NEK11: variants seen among roughly 807,000 people sequenced by gnomAD.
NEK11 encodes the protein NIMA related kinase 11, also known as serine/threonine-protein kinase Nek11.
A neutral mutation model predicts 80.7 loss-of-function variants in NEK11; 72 were observed. The observed-to-expected ratio is 0.89, with a 90% CI of 0.74 to 1.08. The LOEUF (loss-of-function observed/expected upper bound fraction) is 1.08. Among genes scored for constraint, NEK11 ranks in the 50% least tolerant of loss-of-function variants. NEK11 has a pLI of 0.00. For missense variants in NEK11, 764 were observed against 763.6 expected (o/e 1.00, Z -0.01); for synonymous variants, 251 against 260.7 (o/e 0.96, Z 0.36).
At chr3:131,231,891 T>G (rs2095337250) in intron 15 of NEK11, among the ~76,000 whole-genome samples, 1 of 152,104 alleles carries the variant, frequency 6.6e-6, no homozygotes, top group Non-Finnish European at 1.5e-5. Flanking sequence ...AGATCAAAGT[T>G]GATTCCCCTT....
chr3:131,164,949 C>G (rs2092059369), intron 11 of NEK11, among the ~76,000 whole-genome samples: 1 of 152,218 alleles, frequency 6.6e-6, no homozygotes, highest in South Asian at 2.1e-4. Flanking sequence ...TAAACTCACT[C>G]TCCTGTAATA....
intron 14 of NEK11, among the ~76,000 whole-genome samples, chr3:131,178,453 C>G (rs2093163098): frequency 6.6e-6 from 1 of 152,166 alleles, no homozygotes; most frequent in African/African-American, 2.4e-5. Context: ...TTATATCATT[C>G]TATAAGCATT....
At position 131,173,871 on chromosome 3, in the gene NEK11, G is replaced by A. The variant is rs150802245; in HGVS notation, c.1399+2984G>A. Among the ~76,000 whole-genome samples, 96 of 152,196 alleles carry A rather than the reference G, an allele frequency of 6.3e-4. 1 individual carries two copies. In the East Asian group the frequency reaches 0.015, roughly 24 times the overall value. On this transcript the variant is annotated intron_variant, in intron 14 of 17. Transcript: ENST00000383366. Reference sequence around the variant, plus strand: ...TGATTTACCAGCCAGACTGGAAATCGTCAAATCTACTTCTTTGACCACTTT... The same window carrying A: ...TGATTTACCAGCCAGACTGGAAATCATCAAATCTACTTCTTTGACCACTTT...
intron 14 of NEK11, among the ~76,000 whole-genome samples, chr3:131,179,740 G>T (rs2093243020): frequency 6.6e-6 from 1 of 151,954 alleles, no homozygotes; most frequent in South Asian, 2.1e-4. Flanking sequence ...AAAATACACA[G>T]TTTTGCACAT....
intron 15 of NEK11, among the ~76,000 whole-genome samples, chr3:131,238,597 T>C (rs1331376241): frequency 6.6e-6 from 1 of 152,040 alleles, no homozygotes; most frequent in Non-Finnish European, 1.5e-5. Context: ...AAGGAGAATT[T>C]CTAGAGATTG....
intron 3 of NEK11, among the ~76,000 whole-genome samples, chr3:131,066,943 A>C (rs950112394): frequency 6.6e-6 from 1 of 151,974 alleles, no homozygotes; most frequent in Non-Finnish European, 1.5e-5. Context: ...CTGTGTCTTA[A>C]TCTCTCTGTG....
At chr3:131,137,252 A>G (rs1053194301) in intron 7 of NEK11, among the ~76,000 whole-genome samples, 2 of 152,182 alleles carry the variant, frequency 1.3e-5, no homozygotes, top group African/African-American at 4.8e-5. Flanking sequence ...TGTGAGTAGA[A>G]GAAAACAGAG....
At chr3:131,118,986 T>C (rs1263086317) in intron 5 of NEK11, among the ~76,000 whole-genome samples, 1 of 152,188 alleles carries the variant, frequency 6.6e-6, no homozygotes, top group Non-Finnish European at 1.5e-5. Flanking sequence ...TCTGCTCTGA[T>C]CTTAGTTATT....
chr3:131,349,988 G>A lies in NEK11; in HGVS notation c.*212G>A. Reference sequence around the variant, plus strand: ...ATAAGTGTTATTTGGACTATACCCTGAGATAAGCTTATAGATCAAGTTTGG... The same window carrying A: ...ATAAGTGTTATTTGGACTATACCCTAAGATAAGCTTATAGATCAAGTTTGG... On this transcript the variant is annotated 3_prime_UTR_variant, in exon 18 of 18. Transcript: ENST00000383366. The A allele has an allele frequency of 7.3e-6, 4 of 545,590 alleles. No homozygotes were observed. Among genetic ancestry groups the A allele is most frequent in the Non-Finnish European group, 9.8e-6 (3 of 307,314 alleles). 33.8% of individuals were successfully genotyped at this position (545,590 alleles called of 1,614,324 possible). A position where few individuals can be genotyped will look rare whatever the true frequency, so the allele number is the denominator to read the frequency against.
chr3:131,142,586 T>C (rs956508457), intron 7 of NEK11, among the ~76,000 whole-genome samples: 1 of 152,216 alleles, frequency 6.6e-6, no homozygotes, highest in African/African-American at 2.4e-5. Context: ...CAGTTGGTTA[T>C]GTAAGGATGC....
chr3:131,295,553 T>A (rs1184470455), intron 17 of NEK11, among the ~76,000 whole-genome samples: 3 of 152,236 alleles, frequency 2.0e-5, no homozygotes, highest in Non-Finnish European at 4.4e-5. Context: ...ATGTGTAATT[T>A]TTTTGCATTA....
At chr3:131,122,343 C>T (rs2082527760) in intron 5 of NEK11, among the ~76,000 whole-genome samples, 1 of 152,190 alleles carries the variant, frequency 6.6e-6, no homozygotes. Flanking sequence ...ATCCTGCAGT[C>T]ACTTTTTCAA....
chr3:131,267,012 C>T (rs944654434), intron 16 of NEK11, among the ~76,000 whole-genome samples: 2 of 152,278 alleles, frequency 1.3e-5, no homozygotes, highest in Admixed American at 1.3e-4. Context: ...AATTGCAACA[C>T]CTGCTTTTTT....
rs934704134 is a variant in NEK11 at position 131,231,268 on chromosome 3, C to T, written c.1560+2580C>T. Among the ~76,000 whole-genome samples the T allele has an allele frequency of 2.7e-5, 4 of 149,638 alleles. No homozygotes were observed. In the South Asian group the frequency reaches 8.5e-4, roughly 32 times the overall value. On this transcript the variant is annotated intron_variant, in intron 15 of 17. Transcript: ENST00000383366. ...CCAGACTGGAGTGCAGTGGCATGATCTCTGCTCACTCTAATTGAGGAAAGT... is the reference window on the plus strand; with the variant it reads ...CCAGACTGGAGTGCAGTGGCATGATTTCTGCTCACTCTAATTGAGGAAAGT...
At position 131,165,419 on chromosome 3, in the gene NEK11, T is replaced by C; in HGVS notation, c.1083-7T>C. ...GTTATTTTTCTACATTCACTTTAAA[T>C]TTACAGAAAGATTGTGGAAGAAAAA... On this transcript the variant is annotated splice_region_variant and splice_polypyrimidine_tract_variant and intron_variant, in intron 11 of 17. Coordinates refer to ENST00000383366, the MANE Select transcript of NEK11 (RefSeq NM_024800.5). 3 of 1,564,550 alleles carry C rather than the reference T, an allele frequency of 1.9e-6. No homozygotes were observed. Among genetic ancestry groups the C allele is most frequent in the Non-Finnish European group, 2.6e-6 (3 of 1,135,536 alleles).
At chr3:131,217,987 G>A (rs1263032264) in intron 14 of NEK11, among the ~76,000 whole-genome samples, 1 of 152,154 alleles carries the variant, frequency 6.6e-6, no homozygotes, top group African/African-American at 2.4e-5. Flanking sequence ...ATTGATATCT[G>A]ACAAAGGACT....
chr3:131,332,087 C>T (rs1049965672), intron 17 of NEK11, among the ~76,000 whole-genome samples: 1 of 152,228 alleles, frequency 6.6e-6, no homozygotes, highest in Non-Finnish European at 1.5e-5. Flanking sequence ...TTAAACGTCC[C>T]GGTCTGACAG....
chr3:131,140,850 C>T (rs2086730464), intron 7 of NEK11, among the ~76,000 whole-genome samples: 2 of 152,142 alleles, frequency 1.3e-5, no homozygotes, highest in South Asian at 4.1e-4. Context: ...TTCCTCCTGA[C>T]TTTGCCTTCT....
chr3:131,239,959 A>G (rs1463277948), intron 15 of NEK11, among the ~76,000 whole-genome samples: 1 of 152,182 alleles, frequency 6.6e-6, no homozygotes, highest in Non-Finnish European at 1.5e-5. Context: ...AACTGTGTAA[A>G]TGGTTTTCAC....
Sources: gnomAD v4.1 joint callset for allele counts (sites outside exome capture counted in the v4.1 genomes callset) on GRCh38, gnomAD v4.1.1 for gene constraint, MANE v1.5 for transcripts, NCBI Gene and HGNC (gene_info 2026-07-23, HGNC 2026-07-21) for gene names.